Variants in LCLAT1 observed in about 807,000 individuals in gnomAD.
LCLAT1 encodes lysocardiolipin acyltransferase 1.
Under a neutral mutation model 30.7 loss-of-function variants are expected in LCLAT1, and 11 were observed. That is an observed-to-expected ratio of 0.36 (90% confidence interval 0.23 to 0.59). The LOEUF (loss-of-function observed/expected upper bound fraction) is 0.59. Among genes scored for constraint, LCLAT1 ranks in the 20% least tolerant of loss-of-function variants. LCLAT1 has a pLI of 0.77. For missense variants in LCLAT1, 402 were observed against 458.6 expected, an observed-to-expected ratio of 0.88 and a Z score of 1.13; for synonymous variants, 155 against 151.3, an observed-to-expected ratio of 1.02 and a Z score of -0.18.
chr2:30,568,018 C>T (rs1391634115), intron 4 of LCLAT1, 42 bp from the exon 5 acceptor site: 4 of 1,018,568 alleles, frequency 3.9e-6, no homozygotes, highest in South Asian at 1.5e-5. Context: ...TTGTTTATTT[C>T]CCTTTAGTTT....
chr2:30,470,871 A>C (rs1285112364), intron 1 of LCLAT1, among the ~76,000 whole-genome samples: 1 of 146,746 alleles, frequency 6.8e-6, no homozygotes, highest in Non-Finnish European at 1.5e-5. Context: ...TGTTAATAGT[A>C]TTGTCTTTTA....
chr2:30,564,090 G>GT (rs1202421821), intron 4 of LCLAT1, among the ~76,000 whole-genome samples: 3 of 152,120 alleles, frequency 2.0e-5, no homozygotes, highest in Non-Finnish European at 4.4e-5. Context: ...ATATATTATT[G>GT]TAAGTTGTAA....
intron 3 of LCLAT1, among the ~76,000 whole-genome samples, chr2:30,541,122 G>A (rs1664116804): frequency 6.6e-6 from 1 of 152,044 alleles, no homozygotes; most frequent in Non-Finnish European, 1.5e-5. Flanking sequence ...TCTGTGTTTA[G>A]GTTATTTTTT....
chr2:30,629,812 G>A (rs910456402), intron 5 of LCLAT1, among the ~76,000 whole-genome samples: 1 of 152,046 alleles, frequency 6.6e-6, no homozygotes, highest in Non-Finnish European at 1.5e-5. Flanking sequence ...TTTTTTTAAT[G>A]TGATATCTAT....
chr2:30,539,345 G>T (rs181071676), intron 3 of LCLAT1, among the ~76,000 whole-genome samples: 19 of 147,538 alleles, frequency 1.3e-4, no homozygotes, highest in Non-Finnish European at 2.7e-4. Context: ...CTTGAACTGG[G>T]CTCAAGTGGT....
At chr2:30,615,193 G>C (rs1667937269) in intron 5 of LCLAT1, among the ~76,000 whole-genome samples, 1 of 152,066 alleles carries the variant, frequency 6.6e-6, no homozygotes, top group Admixed American at 6.6e-5. Context: ...GATTAAAGGG[G>C]AATTGCTGGG....
At chr2:30,621,357 G>A (rs577064529) in intron 5 of LCLAT1, among the ~76,000 whole-genome samples, 3 of 152,244 alleles carry the variant, frequency 2.0e-5, no homozygotes, top group Middle Eastern at 3.4e-3. Context: ...GCCTTTGGAG[G>A]AAATTAGCTT....
At chr2:30,609,732 A>C (rs1191794364) in intron 5 of LCLAT1, among the ~76,000 whole-genome samples, 5 of 152,076 alleles carry the variant, frequency 3.3e-5, no homozygotes, top group Admixed American at 3.3e-4. Flanking sequence ...TTCATTCTCT[A>C]CTACACTCAC....
chr2:30,574,152 A>G (rs1334781513), intron 5 of LCLAT1, among the ~76,000 whole-genome samples: 2 of 151,896 alleles, frequency 1.3e-5, no homozygotes, highest in African/African-American at 4.8e-5. Context: ...CAAAAAAATA[A>G]TAATAATAAT....
intron 5 of LCLAT1, among the ~76,000 whole-genome samples, chr2:30,591,957 A>T (rs1169153295): frequency 2.0e-5 from 3 of 152,108 alleles, no homozygotes; most frequent in African/African-American, 7.2e-5. Context: ...TGTTGTCCTC[A>T]TCACATAGTA....
intron 3 of LCLAT1, among the ~76,000 whole-genome samples, chr2:30,549,923 G>T (rs1664606038): frequency 6.6e-6 from 1 of 152,110 alleles, no homozygotes; most frequent in African/African-American, 2.4e-5. Context: ...TGAATACCAG[G>T]CAGGGACATA....
chr2:30,473,404 C>T (rs1055534449), intron 1 of LCLAT1, among the ~76,000 whole-genome samples: 5 of 152,138 alleles, frequency 3.3e-5, no homozygotes, highest in African/African-American at 1.2e-4. Context: ...GGAAGAGAAC[C>T]TGGTAAGCTT....
chr2:30,497,632 C>T (rs1041101589), intron 1 of LCLAT1, among the ~76,000 whole-genome samples: 1 of 152,148 alleles, frequency 6.6e-6, no homozygotes, highest in Admixed American at 6.5e-5. Flanking sequence ...CTAGATTTCT[C>T]ATTGTTGATT....
chr2:30,583,351 A>G (rs186984068), intron 5 of LCLAT1, among the ~76,000 whole-genome samples: 10 of 152,336 alleles, frequency 6.6e-5, no homozygotes, highest in Admixed American at 2.6e-4. Flanking sequence ...TCGTTGTTTC[A>G]TTAAAGTGCC....
At position 30,467,790 on chromosome 2, in the gene LCLAT1, A is replaced by AT. The variant is rs1442508664; in HGVS notation, c.-5+20414dup. Among the ~76,000 whole-genome samples the AT allele has an allele frequency of 4.0e-5, 6 of 151,702 alleles. No homozygotes were observed. In the South Asian group the frequency reaches 1.0e-3, roughly 26 times the overall value. The stretch of plus-strand genomic sequence containing the variant: ...GCCCACTTTTTGATGGGGTTGTTTG[A>AT]TTTTTTTCTTGTAAATTTGTTTGAG... On this transcript the variant is annotated intron_variant, in intron 1 of 5. Coordinates refer to ENST00000379509, the MANE Select transcript of LCLAT1 (RefSeq NM_001002257.3).
chr2:30,599,010 G>T (rs1014221647), intron 5 of LCLAT1, among the ~76,000 whole-genome samples: 11 of 135,852 alleles, frequency 8.1e-5, no homozygotes, highest in Admixed American at 1.5e-4. Flanking sequence ...GATAGATAGA[G>T]TCTCACTCTG....
In LCLAT1 at chr2:30,553,582, G is replaced by A. The variant is rs536669125; in HGVS notation, c.365-8564G>A. 1.9e-3 allele frequency among the ~76,000 whole-genome samples: 294 copies of A among 152,212 alleles called. 1 individual carries two copies. Among genetic ancestry groups the A allele is most frequent in the African/African-American group, 6.7e-3 (280 of 41,552 alleles). On this transcript the variant is annotated intron_variant, in intron 3 of 5. Coordinates refer to ENST00000379509, the MANE Select transcript of LCLAT1 (RefSeq NM_001002257.3). ...TGTAATCCCAGCACTTTGGGAGGCC[G>A]AGGCGGGTGGATCATGAGGTCAGGA...
At chr2:30,470,635 C>T (rs1005578247) in intron 1 of LCLAT1, among the ~76,000 whole-genome samples, 2 of 152,186 alleles carry the variant, frequency 1.3e-5, no homozygotes, top group African/African-American at 4.8e-5. Context: ...TTTGCAAAGG[C>T]AGTTTCAGTA....
chr2:30,574,611 T>A (rs2148458375), intron 5 of LCLAT1, among the ~76,000 whole-genome samples: 1 of 152,324 alleles, frequency 6.6e-6, no homozygotes. Context: ...ACACTCAGAC[T>A]CTATATGGAT....
Sources: allele counts gnomAD v4.1 joint callset (sites outside exome capture counted in the v4.1 genomes callset), GRCh38; gene constraint gnomAD v4.1.1; transcripts MANE v1.5; gene names NCBI Gene and HGNC (gene_info 2026-07-23, HGNC 2026-07-21).